The following SLC27A4 variants were observed in gnomAD, a reference collection of about 807,000 sequenced individuals.
SLC27A4 encodes long-chain fatty acid transport protein 4.
A neutral mutation model predicts 64.4 loss-of-function variants in SLC27A4; 33 were observed. The observed-to-expected ratio is 0.51, with a 90% confidence interval of 0.39 to 0.68. The LOEUF (loss-of-function observed/expected upper bound fraction) is 0.68, where lower values mean the gene tolerates loss of function less well. Among genes scored for constraint, SLC27A4 ranks in the 30% least tolerant of loss-of-function variants. SLC27A4 has a pLI of 0.00. For missense variants in SLC27A4, 824 were observed against 883.5 expected (o/e 0.93, Z 0.85); for synonymous variants, 377 against 370.0 (o/e 1.02, Z -0.22).
intron 12 of SLC27A4, among the ~76,000 whole-genome samples, chr9:128,358,079 C>G (rs1250521702): frequency 6.6e-6 from 1 of 152,176 alleles, no homozygotes; most frequent in Non-Finnish European, 1.5e-5. Flanking sequence ...ACTTACTTGC[C>G]CCAAAATGGC....
In SLC27A4 at chr9:128,348,650, T is replaced by A. The variant is rs934737699; in HGVS notation, c.662T>A (p.Leu221Gln). Residue 221 changes from leucine (L) to glutamine (Q), a missense_variant, in exon 4 of 13, where the codon CTG becomes CAG. Transcript: ENST00000300456. Reference sequence around the variant, plus strand: ...CCAAGCACAGAACACCTGGACCCTCTGCTGAAAGATGCTCCCAAGCACCTT... The same window carrying A: ...CCAAGCACAGAACACCTGGACCCTCAGCTGAAAGATGCTCCCAAGCACCTT... ...VPPSTEHLDP[L>Q]LKDAPKHLPS... The A allele has an allele frequency of 1.9e-6, 3 of 1,613,974 alleles. No individual in the cohort carries two copies. The highest frequency in any genetic ancestry group is 2.5e-6 in the Non-Finnish European group (3 of 1,180,044).
Position 128,360,898 on chromosome 9 carries a change from C to T in SLC27A4, c.*407C>T. On this transcript the variant is annotated 3_prime_UTR_variant, in exon 13 of 13. Transcript: ENST00000300456. ...GAGTGGGCAGGGACAGTGGTAGCAT[C>T]CATCTGGTGGCCAAAGAGAATCGTA... 1 of 239,190 alleles carries T rather than the reference C, an allele frequency of 4.2e-6. No homozygotes were observed. The allele number at this position is 239,190 out of a possible 1,614,324, so 14.8% of individuals were successfully genotyped here.
rs752947632 is a variant in SLC27A4 at position 128,360,531 on chromosome 9, G to T, written c.*40G>T. ...CTGAGGGCCGGCGGATGCTGGATCC[G>T]GAGCCCCAGGTTCCGCCCCAGAGCG... On this transcript the variant is annotated 3_prime_UTR_variant, in exon 13 of 13. Transcript: ENST00000300456. 3 of 1,610,006 alleles carry T rather than the reference G, an allele frequency of 1.9e-6. No individual in the cohort carries two copies. The highest frequency in any genetic ancestry group is 2.5e-6 in the Non-Finnish European group (3 of 1,178,594).
At chr9:128,357,351 AACCCAGGAG>A (rs1832836110) in intron 12 of SLC27A4, among the ~76,000 whole-genome samples, 1 of 151,442 alleles carries the variant, frequency 6.6e-6, no homozygotes, top group Non-Finnish European at 1.5e-5. Context: ...GAATTGCTTG[AACCCAGGAG>A]ACCCAGGAGC....
intron 6 of SLC27A4, among the ~76,000 whole-genome samples, chr9:128,350,988 G>A (rs1438764512): frequency 5.9e-5 from 9 of 152,354 alleles, no homozygotes; most frequent in African/African-American, 2.2e-4. Context: ...AGCTACTCGG[G>A]AGGGTGAGGC....
chr9:128,360,476 C>T lies in SLC27A4; in HGVS notation c.1917C>T (p.Gly639=), dbSNP rs531498882. The change falls in exon 13 of 13, where the codon GGC becomes GGT. Residue 639 remains glycine, a synonymous_variant. Transcript: ENST00000300456. ...AGGCCTACAGCCGCATCCAGGCAGG[C>T]GAGGAGAAGCTGTGATTCCCCCCAT... ...DQEAYSRIQA[G]EEKL The T allele has an allele frequency of 1.1e-5, 17 of 1,613,944 alleles. No homozygotes were observed. Among genetic ancestry groups the T allele is most frequent in the East Asian group, 4.5e-5 (2 of 44,886 alleles).
chr9:128,343,554 T>C (rs1165200840), intron 2 of SLC27A4, among the ~76,000 whole-genome samples: 1 of 152,180 alleles, frequency 6.6e-6, no homozygotes, highest in Admixed American at 6.5e-5. Flanking sequence ...AGGACGTACA[T>C]TGAACACCAA....
Position 128,355,423 on chromosome 9 carries a change from G to A in SLC27A4, c.1488G>A (p.Leu496=). ...LTGDVLVMDE[L]GYLYFRDRTG... The stretch of plus-strand genomic sequence containing the variant: ...GTGATGTGCTGGTGATGGACGAGCT[G>A]GGCTACCTGTACTTCCGAGACCGCA... The change falls in exon 11 of 13, where the codon CTG becomes CTA. Residue 496 remains leucine, a synonymous_variant. Coordinates refer to ENST00000300456, the MANE Select transcript of SLC27A4 (RefSeq NM_005094.4). 1 of 1,613,676 alleles carries A rather than the reference G, an allele frequency of 6.2e-7. No homozygotes were observed. Among genetic ancestry groups the A allele is most frequent in the Non-Finnish European group, 8.5e-7 (1 of 1,180,008 alleles).
chr9:128,359,466 A>G (rs956321523), intron 12 of SLC27A4, among the ~76,000 whole-genome samples: 2 of 152,210 alleles, frequency 1.3e-5, no homozygotes. Context: ...TCTACTAAAA[A>G]TACAAAAAAT....
intron 1 of SLC27A4, chr9:128,342,774 AG>A (rs1358286208): frequency 1.6e-5 from 6 of 385,996 alleles, no homozygotes; most frequent in Non-Finnish European, 2.5e-5. Flanking sequence ...AAAAAAAAAA[AG>A]AACACGTCTC....
chr9:128,343,433 C>A, intron 2 of SLC27A4, 140 bp downstream of exon 2: 2 of 938,254 alleles, frequency 2.1e-6, no homozygotes, highest in Admixed American at 2.0e-5. Flanking sequence ...AGCCTCTGCT[C>A]CACACCCGTA....
rs570873566 is a variant in SLC27A4 at position 128,359,674 on chromosome 9, G to A, written c.1775-660G>A. 2.0e-5 allele frequency among the ~76,000 whole-genome samples: 3 copies of A among 152,242 alleles called. No homozygotes were observed. The South Asian group carries it at 6.2e-4, about 32-fold the overall frequency. ...ACAAAACTTAGCCAGGCACAGTGGT[G>A]CACACCTATAGTCCTGGCTACTTGG... is the stretch of plus-strand genomic sequence containing the variant. On this transcript the variant is annotated intron_variant, in intron 12 of 12. Transcript: ENST00000300456.
At position 128,348,584 on chromosome 9, in the gene SLC27A4, G is replaced by A. The variant is rs1181450214; in HGVS notation, c.596G>A (p.Ser199Asn). 2 of 1,613,458 alleles carry A rather than the reference G, an allele frequency of 1.2e-6. No homozygotes were observed. Among genetic ancestry groups the A allele is most frequent in the South Asian group, 2.2e-5 (2 of 91,082 alleles). ...CATGCCAGCCTGGACCCCTCGCTCA[G>A]CCTCTTCTGCTCTGGCTCCTGGGAG... ...EVHASLDPSL[S>N]LFCSGSWEPG... is the part of the protein sequence containing the mutation. The change falls in exon 4 of 13, where the codon AGC becomes AAC. Residue 199 changes from serine (S) to asparagine (N), a missense_variant. Transcript: ENST00000300456.
intron 2 of SLC27A4, among the ~76,000 whole-genome samples, chr9:128,344,186 A>T (rs1316037355): frequency 6.6e-6 from 1 of 152,152 alleles, no homozygotes; most frequent in Non-Finnish European, 1.5e-5. Context: ...GTGGAAGGAG[A>T]TGAATCCAAC....
intron 12 of SLC27A4, 143 bp downstream of exon 12, chr9:128,355,939 A>G: frequency 9.2e-7 from 1 of 1,087,622 alleles, no homozygotes; most frequent in South Asian, 1.3e-5. Context: ...AGAGGTGAGC[A>G]GACGGGGCTG....
chr9:128,360,294 G>A, intron 12 of SLC27A4, 40 bp from the exon 13 acceptor site: 1 of 1,612,652 alleles, frequency 6.2e-7, no homozygotes, highest in Non-Finnish European at 8.5e-7. Context: ...GGGAGCTCGG[G>A]CCCCTGCCCT....
Position 128,360,554 on chromosome 9 carries a change from G to A in SLC27A4, c.*63G>A. 1.9e-6 allele frequency: 3 copies of A among 1,588,698 alleles called. No homozygotes were observed. Among genetic ancestry groups the A allele is most frequent in the Non-Finnish European group, 2.6e-6 (3 of 1,161,840 alleles). ...CCGGAGCCCCAGGTTCCGCCCCAGA[G>A]CGGTCCTGGACAAGGCCAGACCAAA... On this transcript the variant is annotated 3_prime_UTR_variant, in exon 13 of 13. Coordinates refer to ENST00000300456, the MANE Select transcript of SLC27A4 (RefSeq NM_005094.4).
Position 128,355,798 on chromosome 9 carries a change from T to A in SLC27A4, c.1774+2T>A. The A allele has an allele frequency of 6.2e-7, 1 of 1,613,048 alleles. No individual in the cohort carries two copies. The highest frequency in any genetic ancestry group is 8.5e-7 in the Non-Finnish European group (1 of 1,180,012). ...TCCTGCCTGAGCTGCACAAAACAGG[T>A]GTGTCCCTCCCCTGCTCCAGCTCTC... is the stretch of plus-strand genomic sequence containing the variant. On this transcript the variant is annotated splice_donor_variant, in intron 12 of 12. Coordinates refer to ENST00000300456, the MANE Select transcript of SLC27A4 (RefSeq NM_005094.4). LOFTEE classifies it high-confidence loss of function.
intron 2 of SLC27A4, among the ~76,000 whole-genome samples, chr9:128,344,812 G>A (rs779763145): frequency 6.6e-6 from 1 of 152,168 alleles, no homozygotes; most frequent in Non-Finnish European, 1.5e-5. Flanking sequence ...TTCTGCTGGA[G>A]CAGCAGGCTG....
Sources: gnomAD v4.1 joint callset for allele counts (sites outside exome capture counted in the v4.1 genomes callset) on GRCh38, gnomAD v4.1.1 for gene constraint, MANE v1.5 for transcripts, NCBI Gene and HGNC (gene_info 2026-07-23, HGNC 2026-07-21) for gene names.